The following ARHGEF10L variants were observed in gnomAD, a reference collection of about 807,000 sequenced individuals.
ARHGEF10L encodes rho guanine nucleotide exchange factor 10-like protein.
Under a neutral mutation model 141.2 loss-of-function variants are expected in ARHGEF10L, and 69 were observed. The observed-to-expected ratio is 0.49, with a 90% CI of 0.40 to 0.60. ARHGEF10L has a LOEUF of 0.60. Among genes scored for constraint, ARHGEF10L ranks in the 20% least tolerant of loss-of-function variants. The pLI is 0.00. For missense variants in ARHGEF10L, 1,482 were observed against 1,734.3 expected (o/e 0.85, Z 2.58); for synonymous variants, 711 against 718.5 (o/e 0.99, Z 0.17).
Position 17,697,337 on chromosome 1 carries a change from C to T in ARHGEF10L, c.3797C>T (p.Thr1266Met), listed in dbSNP as rs760615604. 2.0e-4 allele frequency: 320 copies of T among 1,608,232 alleles called. No individual in the cohort carries two copies. Among genetic ancestry groups the T allele is most frequent in the Non-Finnish European group, 2.4e-4 (277 of 1,176,732 alleles). Residue 1266 changes from threonine (T) to methionine (M), a missense_variant, in exon 29 of 29, where the codon ACG becomes ATG. Physicochemically the swap from Thr to Met is moderately conservative, Grantham distance 81. Transcript: ENST00000361221. This position sits in a 1 kb window ranked among gnomAD's most constrained non-coding sequence, Gnocchi z 4.8. ...SSGRQAPCGETDSTLLIWQVP... is the reference protein window; with the variant it reads ...SSGRQAPCGEMDSTLLIWQVP... ...GGGAGGCAGGCCCCGTGTGGGGAGA[C>T]GGACAGCACCCTCCTCATCTGGCAG... is the stretch of plus-strand genomic sequence containing the variant.
Position 17,655,887 on chromosome 1 carries a change from C to T in ARHGEF10L, c.2490C>T (p.Gly830=), listed in dbSNP as rs761687942. Reference sequence around the variant, plus strand: ...TGGGTCTCTGCTCCCAGGTCGGGGGCGGACAGGAAGGCGCAGGGGGCCAGG... The same window carrying T: ...TGGGTCTCTGCTCCCAGGTCGGGGGTGGACAGGAAGGCGCAGGGGGCCAGG... ...SLPQGYLWVG[G]GQEGAGGQVE... The change falls in exon 24 of 29, where the codon GGC becomes GGT. Residue 830 remains glycine, a synonymous_variant. Transcript: ENST00000361221. 5.1e-5 allele frequency: 79 copies of T among 1,553,734 alleles called. No homozygotes were observed. The highest frequency in any genetic ancestry group is 2.3e-4 in the Middle Eastern group (1 of 4,420).
At chr1:17,632,619 C>G (rs1251720025) in intron 16 of ARHGEF10L, among the ~76,000 whole-genome samples, 153 bp downstream of exon 16, 2 of 152,202 alleles carry the variant, frequency 1.3e-5, no homozygotes, top group Non-Finnish European at 2.9e-5. Context: ...TTGCCCTGCT[C>G]TGCCACTGGT....
At chr1:17,695,423 T>A in intron 28 of ARHGEF10L, 143 bp downstream of exon 28, 1 of 1,220,322 alleles carries the variant, frequency 8.2e-7, no homozygotes, top group Non-Finnish European at 1.1e-6. Context: ...TCAGGTGGCA[T>A]GGTGGCCAGT....
chr1:17,532,583 C>T, the ARHGEF10L span, among the ~76,000 whole-genome samples: 11 of 147,934 alleles, frequency 7.4e-5, no homozygotes, highest in African/African-American at 2.5e-4. Context: ...TCCTTTGTCC[C>T]TTCACCCTTG....
intron 26 of ARHGEF10L, among the ~76,000 whole-genome samples, chr1:17,675,614 T>TAG (rs2063607002): frequency 6.9e-6 from 1 of 145,474 alleles, no homozygotes; most frequent in Admixed American, 6.8e-5. Flanking sequence ...TACAGGTTTG[T>TAG]GTGCAAGTGT....
chr1:17,519,350 C>A, the ARHGEF10L span, among the ~76,000 whole-genome samples: 1 of 150,300 alleles, frequency 6.7e-6, no homozygotes, highest in African/African-American at 2.5e-5. Flanking sequence ...TGGCTCACAG[C>A]TATAATCCCA....
chr1:17,695,974 A>C (rs1469366577), intron 28 of ARHGEF10L, among the ~76,000 whole-genome samples: 4 of 152,086 alleles, frequency 2.6e-5, no homozygotes, highest in Non-Finnish European at 5.9e-5. Flanking sequence ...AGGTGGGTGG[A>C]TTGCCTGAGC....
At chr1:17,547,789 C>A (rs2076968848) in intron 1 of ARHGEF10L, among the ~76,000 whole-genome samples, 1 of 152,158 alleles carries the variant, frequency 6.6e-6, no homozygotes, top group Admixed American at 6.5e-5. Flanking sequence ...AAATGGAAAT[C>A]ATTTTGCCAC....
chr1:17,594,476 A>G (rs879396279), intron 4 of ARHGEF10L, among the ~76,000 whole-genome samples: 2 of 151,842 alleles, frequency 1.3e-5, no homozygotes, highest in African/African-American at 2.4e-5. Context: ...CCTAACCCTC[A>G]GTTTCTTTTC....
At chr1:17,646,805 C>T (rs982051008) in intron 21 of ARHGEF10L, among the ~76,000 whole-genome samples, 12 of 151,976 alleles carry the variant, frequency 7.9e-5, no homozygotes, top group African/African-American at 2.4e-4. Flanking sequence ...CCCGTCCCGG[C>T]GAGGTTGCTG....
the ARHGEF10L span, among the ~76,000 whole-genome samples, chr1:17,519,815 C>A: frequency 1.3e-5 from 2 of 151,888 alleles, no homozygotes; most frequent in African/African-American, 4.8e-5. Flanking sequence ...TTTACTCCAG[C>A]CTGGGCGATG....
At chr1:17,667,660 G>A (rs1231271507) in intron 26 of ARHGEF10L, among the ~76,000 whole-genome samples, 4 of 152,200 alleles carry the variant, frequency 2.6e-5, no homozygotes, top group Non-Finnish European at 2.9e-5. Flanking sequence ...TGGAGGGAGG[G>A]GAAGCCAGAA....
rs1198276898 is a variant in ARHGEF10L at position 17,695,166 on chromosome 1, C to T, written c.3193C>T (p.His1065Tyr). Residue 1065 changes from histidine (H) to tyrosine (Y), a missense_variant, in exon 28 of 29, where the codon CAC becomes TAC. Coordinates refer to ENST00000361221, the MANE Select transcript of ARHGEF10L (RefSeq NM_018125.4). ...RTTFLLPGQK[H>Y]LCVTSLLICQ... ...GCCCTCTCTTTCTGCAGGCCAGAAGCACTTGTGTGTCACCAGCCTCCTGAT... is the reference window on the plus strand; with the variant it reads ...GCCCTCTCTTTCTGCAGGCCAGAAGTACTTGTGTGTCACCAGCCTCCTGAT... The T allele has an allele frequency of 1.2e-6, 2 of 1,612,890 alleles. No homozygotes were observed. Among genetic ancestry groups the T allele is most frequent in the East Asian group, 4.5e-5 (2 of 44,876 alleles).
At position 17,675,191 on chromosome 1, in the gene ARHGEF10L, C is replaced by T. The variant is rs182897941; in HGVS notation, c.3009+10596C>T. 5.8e-4 allele frequency among the ~76,000 whole-genome samples: 88 copies of T among 152,292 alleles called. 1 individual carries two copies. The highest frequency in any genetic ancestry group is 2.0e-3 in the African/African-American group (83 of 41,548). On this transcript the variant is annotated intron_variant, in intron 26 of 28. Coordinates refer to ENST00000361221, the MANE Select transcript of ARHGEF10L (RefSeq NM_018125.4). Reference sequence around the variant, plus strand: ...AATTCTGACCTTTCTTGCCCAACACCGCCCAGCAGTCTTGGATGTGGATTT... The same window carrying T: ...AATTCTGACCTTTCTTGCCCAACACTGCCCAGCAGTCTTGGATGTGGATTT...
chr1:17,637,756 G>T, intron 18 of ARHGEF10L, 132 bp from the exon 19 acceptor site: 1 of 675,042 alleles, frequency 1.5e-6, no homozygotes, highest in Non-Finnish European at 2.4e-6. Flanking sequence ...TGCCTGCCTC[G>T]GCCTCCCAAA....
At position 17,639,629 on chromosome 1, in the gene ARHGEF10L, A is replaced by G. The variant is rs896287144; in HGVS notation, c.2172-573A>G. 2 of 368,026 alleles carry G rather than the reference A, an allele frequency of 5.4e-6. No homozygotes were observed. Among genetic ancestry groups the G allele is most frequent in the Admixed American group, 6.8e-5 (2 of 29,316 alleles). The allele number at this position is 368,026 out of a possible 1,614,324, so 22.8% of individuals were successfully genotyped here. ...GTGACACTGCCCTGCCCACCTCCCA[A>G]AGGGCTGGGAAGGCCCCCACTGCTC... On this transcript the variant is annotated intron_variant, in intron 20 of 28. Transcript: ENST00000361221. The surrounding 1 kb of genome is among the most constrained non-coding windows in gnomAD (Gnocchi z 4.3).
At chr1:17,680,550 A>G (rs35588575) in intron 26 of ARHGEF10L, among the ~76,000 whole-genome samples, 22,206 of 152,102 alleles carry the variant, frequency 0.15, 1,736 homozygotes, top group Non-Finnish European at 0.17. Context: ...CAGGACACAC[A>G]GGTTTGTCTC....
chr1:17,649,177 C>T (rs1243941332), intron 22 of ARHGEF10L, among the ~76,000 whole-genome samples: 1 of 152,240 alleles, frequency 6.6e-6, no homozygotes, highest in African/African-American at 2.4e-5. Flanking sequence ...AGATGTTTCT[C>T]TATCCATTTC....
chr1:17,657,796 G>C (rs552475917), intron 25 of ARHGEF10L, among the ~76,000 whole-genome samples: 2 of 152,308 alleles, frequency 1.3e-5, no homozygotes, highest in South Asian at 2.1e-4. Context: ...GTTCTAGAGC[G>C]ACCACTCCCA....
Sources: allele counts gnomAD v4.1 joint callset (sites outside exome capture counted in the v4.1 genomes callset), GRCh38; gene constraint gnomAD v4.1.1; non-coding constraint Gnocchi (gnomAD v3.1); transcripts MANE v1.5; gene names NCBI Gene and HGNC (gene_info 2026-07-23, HGNC 2026-07-21).